RNGTT: variants seen among roughly 807,000 people sequenced by gnomAD.
The protein encoded by RNGTT is RNA guanylyltransferase and 5'-phosphatase, also known as mRNA-capping enzyme.
A neutral mutation model predicts 79.3 loss-of-function variants in RNGTT; 33 were observed. The observed-to-expected ratio is 0.42, with a 90% CI of 0.32 to 0.56. The LOEUF (loss-of-function observed/expected upper bound fraction) is 0.56. Ranked by LOEUF, RNGTT falls within the 20% of genes least tolerant of loss-of-function variation. RNGTT has a pLI of 0.17. For missense variants in RNGTT, 497 were observed against 739.1 expected, an observed-to-expected ratio of 0.67 and a Z score of 3.80; for synonymous variants, 222 against 235.9, an observed-to-expected ratio of 0.94 and a Z score of 0.54.
intron 13 of RNGTT, among the ~76,000 whole-genome samples, chr6:88,747,613 C>G (rs1346415713): frequency 6.6e-6 from 1 of 152,118 alleles, no homozygotes; most frequent in Admixed American, 6.6e-5. Context: ...GATGGTGAGC[C>G]TAAAGTCTAT....
intron 12 of RNGTT, among the ~76,000 whole-genome samples, chr6:88,774,114 G>A (rs1411153162): frequency 6.6e-6 from 1 of 151,898 alleles, no homozygotes; most frequent in Admixed American, 6.6e-5. Flanking sequence ...TGTTAAAATG[G>A]ATACAACTTA....
intron 4 of RNGTT, among the ~76,000 whole-genome samples, chr6:88,913,017 A>T (rs1320913752): frequency 1.3e-5 from 2 of 152,024 alleles, no homozygotes; most frequent in East Asian, 3.9e-4. Context: ...CAGACAGGCC[A>T]ACATGGCAAA....
chr6:88,814,729 T>C (rs1382096571), intron 11 of RNGTT, among the ~76,000 whole-genome samples: 3 of 151,718 alleles, frequency 2.0e-5, no homozygotes, highest in Admixed American at 1.3e-4. Context: ...GCAGTAAAAA[T>C]ACAACTAAAC....
At chr6:88,695,810 T>C (rs1231423423) in intron 13 of RNGTT, among the ~76,000 whole-genome samples, 3 of 152,214 alleles carry the variant, frequency 2.0e-5, no homozygotes, top group Non-Finnish European at 4.4e-5. Flanking sequence ...AATGGAATAC[T>C]ATTTAGCCTT....
intron 14 of RNGTT, among the ~76,000 whole-genome samples, chr6:88,619,518 T>C (rs1772364526): frequency 6.6e-6 from 1 of 152,136 alleles, no homozygotes; most frequent in Admixed American, 6.5e-5. Context: ...GTCCAGGTTA[T>C]GCTAAGAAAG....
At chr6:88,938,412 A>C (rs1325006759) in intron 2 of RNGTT, among the ~76,000 whole-genome samples, 1 of 152,090 alleles carries the variant, frequency 6.6e-6, no homozygotes, top group Non-Finnish European at 1.5e-5. Flanking sequence ...CTTTCAGTCT[A>C]TGTGTGTCTT....
intron 12 of RNGTT, among the ~76,000 whole-genome samples, chr6:88,800,333 A>T (rs928952613): frequency 2.6e-5 from 4 of 152,226 alleles, no homozygotes; most frequent in Admixed American, 1.3e-4. Flanking sequence ...TCCTTTGAGC[A>T]TCATGCTGGT....
intron 13 of RNGTT, among the ~76,000 whole-genome samples, chr6:88,715,552 T>C (rs937455499): frequency 5.9e-5 from 9 of 152,092 alleles, no homozygotes; most frequent in African/African-American, 2.2e-4. Flanking sequence ...ATCACACTAC[T>C]TGACTTCAAA....
chr6:88,785,677 G>A lies in RNGTT; in HGVS notation c.1339-15803C>T, dbSNP rs78544529. 2.5e-3 allele frequency among the ~76,000 whole-genome samples: 382 copies of A among 152,190 alleles called. 13 individuals are homozygous for A. The East Asian group carries it at 0.065, about 26-fold the overall frequency. Reference sequence around the variant, plus strand: ...ATCAAAATATGCAAGCAAATGTCATGGAAACAGAAGCTCTCACCATGGTAA... The same window carrying A: ...ATCAAAATATGCAAGCAAATGTCATAGAAACAGAAGCTCTCACCATGGTAA... On this transcript the variant is annotated intron_variant, in intron 12 of 15. Transcript: ENST00000369485.
chr6:88,855,920 G>A (rs558558352), intron 8 of RNGTT, among the ~76,000 whole-genome samples: 1 of 152,188 alleles, frequency 6.6e-6, no homozygotes, highest in African/African-American at 2.4e-5. Flanking sequence ...TCAACAAAAG[G>A]GAAGATCAAA....
At chr6:88,735,376 A>C (rs1378249939) in intron 13 of RNGTT, among the ~76,000 whole-genome samples, 1 of 152,088 alleles carries the variant, frequency 6.6e-6, no homozygotes. Flanking sequence ...TAGCAGAATA[A>C]ATATTTTTCT....
chr6:88,906,411 T>C lies in RNGTT; in HGVS notation c.397A>G (p.Thr133Ala). The change falls in exon 5 of 16, where the codon ACT (threonine) becomes GCT (alanine). Residue 133 changes from threonine (T) to alanine (A), a missense_variant. Coordinates refer to ENST00000369485, the MANE Select transcript of RNGTT (RefSeq NM_003800.5). ...GVHCTHGFNR[T>A]GFLICAFLVE... ...AAAAAGGCACATATGAGGAAACCAG[T>C]GCGATTGAAGCCATGAGTACAATGA... The C allele has an allele frequency of 6.2e-7, 1 of 1,604,114 alleles. No homozygotes were observed. Among genetic ancestry groups the C allele is most frequent in the Non-Finnish European group, 8.5e-7 (1 of 1,176,810 alleles).
At chr6:88,849,517 A>G (rs1481469624) in intron 10 of RNGTT, among the ~76,000 whole-genome samples, 1 of 151,998 alleles carries the variant, frequency 6.6e-6, no homozygotes, top group Non-Finnish European at 1.5e-5. Flanking sequence ...TATCAGAGTT[A>G]TGCCATTATT....
intron 4 of RNGTT, among the ~76,000 whole-genome samples, chr6:88,921,190 G>A (rs1460595342): frequency 2.0e-5 from 3 of 151,942 alleles, no homozygotes; most frequent in South Asian, 2.1e-4. Context: ...ACAAACTCTT[G>A]CTGATCAATA....
chr6:88,751,931 C>T (rs531071023), intron 13 of RNGTT, among the ~76,000 whole-genome samples: 1 of 152,062 alleles, frequency 6.6e-6, no homozygotes, highest in South Asian at 2.1e-4. Context: ...TCCTATAATC[C>T]CATCATTCCA....
chr6:88,952,300 T>C (rs1156623155), intron 1 of RNGTT, among the ~76,000 whole-genome samples: 1 of 152,150 alleles, frequency 6.6e-6, no homozygotes. Context: ...CATATCCACC[T>C]AATCCTTCCC....
At chr6:88,756,952 A>C (rs1778037674) in intron 13 of RNGTT, among the ~76,000 whole-genome samples, 1 of 152,170 alleles carries the variant, frequency 6.6e-6, no homozygotes, top group African/African-American at 2.4e-5. Flanking sequence ...ACCCTAAAAA[A>C]ATTACACAAT....
chr6:88,689,407 G>A (rs2610754), intron 13 of RNGTT, among the ~76,000 whole-genome samples: 39,972 of 151,712 alleles, frequency 0.26, 9,143 homozygotes, highest in African/African-American at 0.62. Flanking sequence ...CAGCCTGACC[G>A]ATGTGGCGAA....
intron 13 of RNGTT, among the ~76,000 whole-genome samples, chr6:88,715,330 G>A (rs1197383394): frequency 2.6e-5 from 4 of 152,122 alleles, no homozygotes; most frequent in Non-Finnish European, 5.9e-5. Context: ...ACAAACAAAT[G>A]GAAGAACATT....
Sources: gnomAD v4.1 joint callset for allele counts (sites outside exome capture counted in the v4.1 genomes callset) on GRCh38, gnomAD v4.1.1 for gene constraint, MANE v1.5 for transcripts, NCBI Gene and HGNC (gene_info 2026-07-23, HGNC 2026-07-21) for gene names.